The following CADPS variants were observed in gnomAD, a reference collection of about 807,000 sequenced individuals.
CADPS encodes the protein calcium-dependent secretion activator 1.
In CADPS, 57 loss-of-function variants were observed where a neutral mutation model predicts 167.3. The ratio of observed to expected loss-of-function variants is 0.34; its 90% CI spans 0.28 to 0.42. The LOEUF (loss-of-function observed/expected upper bound fraction) is 0.42, where lower values mean the gene tolerates loss of function less well. CADPS is among the 20% of genes least tolerant of loss of function. The pLI, the probability that CADPS is intolerant of heterozygous loss-of-function variation, is 1.00. For synonymous variants in CADPS, 676 were observed against 635.3 expected, an observed-to-expected ratio of 1.06 and a Z score of -0.96; for missense variants, 1,414 against 1,738.1, an observed-to-expected ratio of 0.81 and a Z score of 3.32.
At chr3:62,793,788 T>C (rs77385724) in intron 1 of CADPS, among the ~76,000 whole-genome samples, 11 of 152,330 alleles carry the variant, frequency 7.2e-5, no homozygotes, top group Non-Finnish European at 1.2e-4. Context: ...TGCGTGCACA[T>C]GTGTGCGTGC....
At chr3:62,431,622 T>A (rs1187381995) in intron 28 of CADPS, among the ~76,000 whole-genome samples, 1 of 151,644 alleles carries the variant, frequency 6.6e-6, no homozygotes, top group East Asian at 1.9e-4. Context: ...GCAGTCCCTA[T>A]AACAAGTCAA....
intron 1 of CADPS, among the ~76,000 whole-genome samples, chr3:62,803,197 G>A (rs1447891989): frequency 6.6e-6 from 1 of 152,126 alleles, no homozygotes; most frequent in Non-Finnish European, 1.5e-5. Flanking sequence ...ACAAGATCAA[G>A]TATCCACTAG....
At chr3:62,502,179 T>C (rs1215985501) in intron 17 of CADPS, among the ~76,000 whole-genome samples, 1 of 152,234 alleles carries the variant, frequency 6.6e-6, no homozygotes, top group Admixed American at 6.5e-5. Flanking sequence ...ACTAGCTAAA[T>C]GGCAAAATGG....
chr3:62,551,707 T>G (rs2077345647), intron 10 of CADPS, among the ~76,000 whole-genome samples: 2 of 152,180 alleles, frequency 1.3e-5, no homozygotes, highest in African/African-American at 4.8e-5. Flanking sequence ...ACTCACTTCA[T>G]TGCAGCCACA....
At chr3:62,518,411 T>C (rs188822932) in intron 13 of CADPS, among the ~76,000 whole-genome samples, 161 bp from the exon 14 acceptor site, 2 of 152,260 alleles carry the variant, frequency 1.3e-5, no homozygotes, top group East Asian at 1.9e-4. Context: ...TCCAAAGGCG[T>C]TGGGTTGTGT....
chr3:62,537,417 C>T (rs545361977), intron 11 of CADPS, among the ~76,000 whole-genome samples: 2 of 152,102 alleles, frequency 1.3e-5, no homozygotes, highest in African/African-American at 4.8e-5. Context: ...ACTCAACAGG[C>T]AAAATAACTC....
chr3:62,400,269 G>A (rs1468227574), intron 29 of CADPS, among the ~76,000 whole-genome samples: 1 of 152,152 alleles, frequency 6.6e-6, no homozygotes. Flanking sequence ...CAAGAACAAT[G>A]GCTTGGTATT....
intron 1 of CADPS, among the ~76,000 whole-genome samples, chr3:62,851,816 T>C (rs1000656434): frequency 2.0e-5 from 3 of 150,624 alleles, no homozygotes; most frequent in African/African-American, 7.3e-5. Flanking sequence ...ATCTGAACGT[T>C]GGCCTGCCTT....
intron 6 of CADPS, among the ~76,000 whole-genome samples, chr3:62,616,621 C>T (rs2062351714): frequency 6.6e-6 from 1 of 152,024 alleles, no homozygotes; most frequent in African/African-American, 2.4e-5. Context: ...TTTGCAACCC[C>T]ACATTTTTGT....
At chr3:62,662,148 A>C (rs903378962) in intron 4 of CADPS, among the ~76,000 whole-genome samples, 166 bp downstream of exon 4, 1 of 151,960 alleles carries the variant, frequency 6.6e-6, no homozygotes, top group African/African-American at 2.4e-5. Flanking sequence ...TCTCTGGGAG[A>C]GCTTGCCTTG....
chr3:62,469,301 CTG>C (rs1302949102), intron 24 of CADPS, among the ~76,000 whole-genome samples: 2 of 152,140 alleles, frequency 1.3e-5, no homozygotes, highest in Non-Finnish European at 2.9e-5. Flanking sequence ...AGTGAGTACT[CTG>C]CTTTCACTCC....
chr3:62,829,222 G>A (rs2074613257), intron 1 of CADPS, among the ~76,000 whole-genome samples: 1 of 151,548 alleles, frequency 6.6e-6, no homozygotes, highest in South Asian at 2.1e-4. Context: ...AACCAACCAT[G>A]GATCAAAAAT....
At chr3:62,533,508 T>C (rs1022358896) in intron 12 of CADPS, among the ~76,000 whole-genome samples, 9 of 152,188 alleles carry the variant, frequency 5.9e-5, no homozygotes, top group African/African-American at 1.9e-4. Flanking sequence ...GAACTTTCAG[T>C]TGAGCCCTAT....
chr3:62,691,609 A>G (rs2079133260), intron 3 of CADPS, among the ~76,000 whole-genome samples: 1 of 152,094 alleles, frequency 6.6e-6, no homozygotes, highest in Admixed American at 6.5e-5. Flanking sequence ...ATAAAAAGGA[A>G]CTAGATCATG....
intron 6 of CADPS, among the ~76,000 whole-genome samples, chr3:62,615,401 A>C (rs2062102403): frequency 6.6e-6 from 1 of 152,220 alleles, no homozygotes; most frequent in South Asian, 2.1e-4. Context: ...CCAGCAAATG[A>C]TGATGACAGT....
chr3:62,516,631 T>C lies in CADPS; in HGVS notation c.2406A>G (p.Pro802=), dbSNP rs753350272. The C allele has an allele frequency of 6.2e-7, 1 of 1,603,210 alleles. No homozygotes were observed. The highest frequency in any genetic ancestry group is 8.5e-7 in the Non-Finnish European group (1 of 1,173,006). ...TCAAAGCACCTTCAGGTCGACCAAA[T>C]GGAAAGCAATACCTAAAAAAGACAA... ...NQITHFRYCF[P]FGRPEGALKA... Residue 802 remains proline (P), a synonymous_variant, in exon 15 of 30, where the codon CCA becomes CCG. Transcript: ENST00000383710.
At chr3:62,782,486 G>T (rs766089525) in intron 1 of CADPS, among the ~76,000 whole-genome samples, 1 of 152,158 alleles carries the variant, frequency 6.6e-6, no homozygotes, top group Non-Finnish European at 1.5e-5. Context: ...ATGAGTTCAC[G>T]CCCAACACTT....
intron 2 of CADPS, among the ~76,000 whole-genome samples, chr3:62,760,823 C>T (rs1483746905): frequency 2.6e-5 from 4 of 152,210 alleles, no homozygotes; most frequent in African/African-American, 7.2e-5. Context: ...AACTAAACGT[C>T]TTCTTGCATA....
At chr3:62,661,108 T>C (rs1563496874) in intron 4 of CADPS, among the ~76,000 whole-genome samples, 1 of 152,198 alleles carries the variant, frequency 6.6e-6, no homozygotes, top group East Asian at 1.9e-4. Flanking sequence ...GCATGACTAC[T>C]ATTAATAATA....
Sources: gnomAD v4.1 joint callset for allele counts (sites outside exome capture counted in the v4.1 genomes callset) on GRCh38, gnomAD v4.1.1 for gene constraint, MANE v1.5 for transcripts, NCBI Gene and HGNC (gene_info 2026-07-23, HGNC 2026-07-21) for gene names.